Variants in SPAG9 observed in about 807,000 individuals in gnomAD.
The protein encoded by SPAG9 is C-Jun-amino-terminal kinase-interacting protein 4.
In SPAG9, 35 loss-of-function variants were observed where a neutral mutation model predicts 166.5. That is an observed-to-expected ratio of 0.21 (90% CI 0.16 to 0.28). The LOEUF is 0.28. SPAG9 is among the 10% of genes least tolerant of loss of function. SPAG9 has a pLI of 1.00. For missense variants in SPAG9, 1,235 were observed against 1,603.3 expected (o/e 0.77, Z 3.92); for synonymous variants, 534 against 565.5 (o/e 0.94, Z 0.79).
At position 51,006,210 on chromosome 17, in the gene SPAG9, A is replaced by G; in HGVS notation, c.1299T>C (p.Asp433=). 1.2e-6 allele frequency: 2 copies of G among 1,614,194 alleles called. No homozygotes were observed. Among genetic ancestry groups the G allele is most frequent in the Non-Finnish European group, 1.7e-6 (2 of 1,180,006 alleles). Reference sequence around the variant, plus strand: ...TCAGTTCATCCACTTTTGCTATCAAATCATTCTTCACTATGTTCAAAGCAT... The same window carrying G: ...TCAGTTCATCCACTTTTGCTATCAAGTCATTCTTCACTATGTTCAAAGCAT... ...TKNALNIVKN[D]LIAKVDELTC... is the part of the protein sequence containing the mutation. Residue 433 remains aspartate, a synonymous_variant, in exon 11 of 30, where the codon GAT becomes GAC. Transcript: ENST00000262013.
chr17:51,056,542 CAT>C lies in SPAG9; in HGVS notation c.425-62_425-61del, dbSNP rs1239224149. The C allele has an allele frequency of 1.6e-5, 17 of 1,072,722 alleles. No individual in the cohort carries two copies. In the Admixed American group the frequency reaches 2.3e-4, roughly 14 times the overall value. 66.5% of individuals were successfully genotyped at this position (1,072,722 alleles called of 1,614,324 possible). On this transcript the variant is annotated intron_variant, in intron 2 of 29. Coordinates refer to ENST00000262013, the MANE Select transcript of SPAG9 (RefSeq NM_001130528.3). ...AATAAGAAATTTACTTGAAAAAGTA[CAT>C]GTTAGACTCAGAATGGGCTATCCAT...
rs141602655 is a variant in SPAG9, at chr17:51,075,024, C to T, written c.424+4560G>A. Among the ~76,000 whole-genome samples, 1,033 of 151,294 alleles carry T rather than the reference C, an allele frequency of 6.8e-3. 14 individuals are homozygous for T. The highest frequency in any genetic ancestry group is 0.023 in the African/African-American group (948 of 41,274). ...CCAGCCTGGCCAACATAGTGAAACC[C>T]CATCTCTACAAATATACAAAAATTA... On this transcript the variant is annotated intron_variant, in intron 2 of 29. Transcript: ENST00000262013.
chr17:51,093,463 G>A (rs2048524065), intron 1 of SPAG9, among the ~76,000 whole-genome samples: 1 of 152,078 alleles, frequency 6.6e-6, no homozygotes, highest in South Asian at 2.1e-4. Flanking sequence ...TGCACTTTGG[G>A]AGGCTGAGGC....
At chr17:50,970,647 G>C (rs1306753906) in intron 29 of SPAG9, 60 bp downstream of exon 29, 2 of 1,315,372 alleles carry the variant, frequency 1.5e-6, no homozygotes, top group African/African-American at 2.9e-5. Context: ...TATTTACTTT[G>C]GGACAAAACC....
In SPAG9 at chr17:50,974,899, C is replaced by T. The variant is rs753249279; in HGVS notation, c.3572G>A (p.Arg1191His). 49 of 1,612,194 alleles carry T rather than the reference C, an allele frequency of 3.0e-5. No homozygotes were observed. In the South Asian group the frequency reaches 3.3e-4, roughly 11 times the overall value. Residue 1191 changes from arginine (R) to histidine (H), a missense_variant, in exon 28 of 30, where the codon CGT (arginine) becomes CAT (histidine). By Grantham distance (29) the Arg-to-His change is conservative (BLOSUM62 0). Coordinates refer to ENST00000262013, the MANE Select transcript of SPAG9 (RefSeq NM_001130528.3). ...VPGNRPGSVI[R>H]VYGDENSDKV... is the part of the protein sequence containing the mutation. The stretch of plus-strand genomic sequence containing the variant: ...ATCACTGTTTTCATCACCATATACA[C>T]GGATTACACTTCCAGGACGATTTCC...
intron 1 of SPAG9, among the ~76,000 whole-genome samples, chr17:51,093,336 G>T (rs775938927): frequency 6.6e-6 from 1 of 152,064 alleles, no homozygotes; most frequent in Non-Finnish European, 1.5e-5. Flanking sequence ...GACATTCATT[G>T]AAGGGCTATT....
chr17:51,111,598 T>G (rs557024144), intron 1 of SPAG9, among the ~76,000 whole-genome samples: 13 of 152,124 alleles, frequency 8.5e-5, no homozygotes, highest in Admixed American at 1.3e-4. Flanking sequence ...TTGTGATTTT[T>G]TTTTGTTTTG....
chr17:51,080,882 ATC>A (rs1167985765), intron 1 of SPAG9, among the ~76,000 whole-genome samples: 3 of 91,030 alleles, frequency 3.3e-5, no homozygotes, highest in African/African-American at 4.9e-5. Context: ...GCAAGACTCT[ATC>A]TCAAAAAAAA....
intron 10 of SPAG9, 98 bp downstream of exon 10, chr17:51,007,170 AG>A: frequency 1.6e-6 from 1 of 629,254 alleles, no homozygotes; most frequent in Non-Finnish European, 2.8e-6. Context: ...GAGATGGGAC[AG>A]GGAGATTCCA....
intron 15 of SPAG9, 163 bp downstream of exon 15, chr17:50,998,281 C>T (rs1160485266): frequency 2.4e-5 from 13 of 534,878 alleles, no homozygotes; most frequent in Non-Finnish European, 3.6e-5. Context: ...CCGCCCACCT[C>T]GGTCTCCCAA....
intron 16 of SPAG9, 61 bp from the exon 17 acceptor site, chr17:50,995,594 T>C: frequency 1.0e-6 from 1 of 955,482 alleles, no homozygotes; most frequent in Non-Finnish European, 1.7e-6. Context: ...AAAAGTGAAC[T>C]TATTACAGAT....
intron 19 of SPAG9, 179 bp from the exon 20 acceptor site, chr17:50,990,847 AT>A (rs1975484185): frequency 3.4e-6 from 2 of 582,640 alleles, no homozygotes; most frequent in Non-Finnish European, 6.1e-6. Context: ...AACTTAAAAA[AT>A]TAAGAAAATA....
intron 2 of SPAG9, among the ~76,000 whole-genome samples, chr17:51,072,897 T>A (rs1157642912): frequency 6.6e-6 from 1 of 152,170 alleles, no homozygotes; most frequent in East Asian, 1.9e-4. Context: ...TTTTAAAAAA[T>A]AAGAAGTTTT....
At chr17:51,012,718 G>T (rs2045538235) in intron 9 of SPAG9, among the ~76,000 whole-genome samples, 1 of 145,360 alleles carries the variant, frequency 6.9e-6, no homozygotes, top group Admixed American at 6.9e-5. Flanking sequence ...TCTCTTACTA[G>T]ATACTTTATT....
At chr17:51,002,680 C>T (rs1426102728) in intron 12 of SPAG9, among the ~76,000 whole-genome samples, 1 of 151,820 alleles carries the variant, frequency 6.6e-6, no homozygotes, top group Non-Finnish European at 1.5e-5. Context: ...ATTGCTTCAG[C>T]TGGGAGGTCA....
intron 2 of SPAG9, among the ~76,000 whole-genome samples, chr17:51,076,989 G>T (rs62062980): frequency 0.05 from 5,056 of 100,600 alleles, 176 homozygotes; most frequent in Middle Eastern, 0.082. Flanking sequence ...ATCTTATCTA[G>T]CTATCTAGCT....
chr17:51,116,356 A>C (rs1466364931), intron 1 of SPAG9, among the ~76,000 whole-genome samples: 1 of 152,168 alleles, frequency 6.6e-6, no homozygotes, highest in East Asian at 1.9e-4. Context: ...CTTTTTTAAA[A>C]GTTACAGCAA....
chr17:51,019,412 C>T (rs2045841329), intron 8 of SPAG9, among the ~76,000 whole-genome samples: 1 of 152,042 alleles, frequency 6.6e-6, no homozygotes, highest in Admixed American at 6.6e-5. Flanking sequence ...AAAAAATTAG[C>T]TAGGCATGGT....
At position 50,964,666 on chromosome 17, in the gene SPAG9, C is replaced by G; in HGVS notation, c.*1606G>C. On this transcript the variant is annotated 3_prime_UTR_variant, in exon 30 of 30. Transcript: ENST00000262013. ...GGGTAAATCACACATTTTCAAGAAG[C>G]TTGAGAGGGAAAAAATTGCAGCATC... 2.3e-6 allele frequency: 1 copy of G among 430,492 alleles called. No individual in the cohort carries two copies. Among genetic ancestry groups the G allele is most frequent in the South Asian group, 1.7e-5 (1 of 60,466 alleles). 26.7% of individuals were successfully genotyped at this position (430,492 alleles called of 1,614,324 possible). A position where few individuals can be genotyped will look rare whatever the true frequency, so the allele number is the denominator to read the frequency against.
Sources: allele counts gnomAD v4.1 joint callset (sites outside exome capture counted in the v4.1 genomes callset), GRCh38; gene constraint gnomAD v4.1.1; transcripts MANE v1.5; gene names NCBI Gene and HGNC (gene_info 2026-07-23, HGNC 2026-07-21).